PCDH9: variants seen among roughly 807,000 people sequenced by gnomAD.
PCDH9 encodes protocadherin 9.
A neutral mutation model predicts 70.6 loss-of-function variants in PCDH9; 24 were observed. The observed-to-expected ratio is 0.34, with a 90% CI of 0.25 to 0.48. The LOEUF (loss-of-function observed/expected upper bound fraction) is 0.48, where lower values mean the gene tolerates loss of function less well. Ranked by LOEUF, PCDH9 falls within the 20% of genes least tolerant of loss-of-function variation. PCDH9 has a pLI of 0.99. For synonymous variants in PCDH9, 562 were observed against 558.5 expected, an observed-to-expected ratio of 1.01 and a Z score of -0.09; for missense variants, 1,281 against 1,503.6, an observed-to-expected ratio of 0.85 and a Z score of 2.45.
At chr13:66,885,650 A>C (rs1163150748) in intron 3 of PCDH9, among the ~76,000 whole-genome samples, 3 of 152,168 alleles carry the variant, frequency 2.0e-5, no homozygotes, top group Non-Finnish European at 4.4e-5. Context: ...AGCTGATGTT[A>C]CTGAATTCTA....
chr13:67,093,418 C>G (rs2086258074), intron 2 of PCDH9, among the ~76,000 whole-genome samples: 2 of 152,066 alleles, frequency 1.3e-5, no homozygotes, highest in Non-Finnish European at 2.9e-5. Flanking sequence ...TGCGCCACTG[C>G]ACTCTAGCCT....
chr13:67,209,002 A>T (rs1468978555), intron 2 of PCDH9: 2 of 152,160 alleles, frequency 1.3e-5, no homozygotes, highest in Non-Finnish European at 2.9e-5. Context: ...TAAGTATTAT[A>T]TATCTTTCCT....
At chr13:66,844,569 G>A (rs1371282218) in intron 3 of PCDH9, among the ~76,000 whole-genome samples, 4 of 149,638 alleles carry the variant, frequency 2.7e-5, no homozygotes, top group African/African-American at 9.8e-5. Flanking sequence ...AGGGTGACAG[G>A]GCGAGACTCT....
chr13:66,332,837 T>C (rs990503969), intron 4 of PCDH9, among the ~76,000 whole-genome samples: 62 of 151,312 alleles, frequency 4.1e-4, no homozygotes, highest in Middle Eastern at 3.2e-3. Flanking sequence ...TATATATATA[T>C]AAAATCACTA....
chr13:66,945,598 T>C (rs1483016534), intron 2 of PCDH9, among the ~76,000 whole-genome samples: 1 of 152,204 alleles, frequency 6.6e-6, no homozygotes, highest in Non-Finnish European at 1.5e-5. Context: ...CCATGTTCTA[T>C]GTAGTCCCTT....
At chr13:67,214,958 A>ATATATATATATATG (rs2089564546) in intron 2 of PCDH9, 1 of 74,570 alleles carries the variant, frequency 1.3e-5, no homozygotes, top group Admixed American at 1.6e-4. Context: ...ATATATATAT[A>ATATATATATATATG]TATATATATA....
At chr13:67,116,294 T>C (rs1034656755) in intron 2 of PCDH9, among the ~76,000 whole-genome samples, 1 of 152,168 alleles carries the variant, frequency 6.6e-6, no homozygotes, top group African/African-American at 2.4e-5. Context: ...TCTTCATTCC[T>C]ATAAATTACT....
At chr13:66,692,902 G>A (rs1386966515) in intron 3 of PCDH9, among the ~76,000 whole-genome samples, 1 of 151,970 alleles carries the variant, frequency 6.6e-6, no homozygotes, top group African/African-American at 2.4e-5. Flanking sequence ...AACAAGGAAT[G>A]GACTATTTGA....
intron 3 of PCDH9, chr13:66,879,929 T>G (rs2081893050): frequency 6.6e-6 from 1 of 152,124 alleles, no homozygotes; most frequent in Admixed American, 6.6e-5. Context: ...GTAACTTGGC[T>G]TGAAGACAAG....
intron 4 of PCDH9, among the ~76,000 whole-genome samples, chr13:66,426,707 T>C (rs993707904): frequency 6.6e-6 from 1 of 151,616 alleles, no homozygotes; most frequent in Admixed American, 6.6e-5. Flanking sequence ...AGTAATTTTA[T>C]GCATTTTTAC....
At chr13:66,574,337 T>C (rs544265450) in intron 4 of PCDH9, among the ~76,000 whole-genome samples, 1 of 152,288 alleles carries the variant, frequency 6.6e-6, no homozygotes, top group African/African-American at 2.4e-5. Context: ...CATTTCTCTC[T>C]CTCTATGTCT....
At chr13:66,472,815 A>G (rs1475643579) in intron 4 of PCDH9, among the ~76,000 whole-genome samples, 1 of 152,190 alleles carries the variant, frequency 6.6e-6, no homozygotes, top group Non-Finnish European at 1.5e-5. Context: ...AAAGAAAAGA[A>G]TATGAGAATC....
chr13:66,980,094 AT>A (rs2083709468), intron 2 of PCDH9, among the ~76,000 whole-genome samples: 2 of 151,248 alleles, frequency 1.3e-5, no homozygotes, highest in African/African-American at 4.9e-5. Flanking sequence ...CTATCTATCT[AT>A]CTATCTATCT....
intron 2 of PCDH9, among the ~76,000 whole-genome samples, chr13:66,981,100 A>C (rs2083754222): frequency 6.6e-6 from 1 of 152,194 alleles, no homozygotes; most frequent in African/African-American, 2.4e-5. Context: ...TATACTGTCC[A>C]TAAAGACATT....
chr13:66,594,069 T>C (rs2077071638), intron 4 of PCDH9, among the ~76,000 whole-genome samples: 1 of 151,798 alleles, frequency 6.6e-6, no homozygotes. Context: ...AAATATCTAT[T>C]TGGAAATAGA....
At chr13:66,819,672 T>A (rs2080675001) in intron 3 of PCDH9, among the ~76,000 whole-genome samples, 1 of 152,152 alleles carries the variant, frequency 6.6e-6, no homozygotes, top group African/African-American at 2.4e-5. Flanking sequence ...AGAGGACTGC[T>A]GGAGGTCAGG....
chr13:66,811,964 T>C (rs2080516826), intron 3 of PCDH9, among the ~76,000 whole-genome samples: 1 of 152,100 alleles, frequency 6.6e-6, no homozygotes, highest in Non-Finnish European at 1.5e-5. Context: ...ACACAGTATT[T>C]GTTTATGTGA....
At position 67,074,030 on chromosome 13, in the gene PCDH9, TTCTATCTATCTATCTATCTA is replaced by T. The variant is rs35805308; in HGVS notation, c.3036+151355_3036+151374del. Among the ~76,000 whole-genome samples the T allele has an allele frequency of 4.2e-4, 63 of 149,024 alleles. No individual in the cohort carries two copies. In the East Asian group the frequency reaches 7.6e-3, roughly 18 times the overall value. On this transcript the variant is annotated intron_variant, in intron 2 of 4. Transcript: ENST00000377865. ...CTTTTTGAATCTCATTGAGATGAAA[TTCTATCTATCTATCTATCTA>T]TCTATCTATCTATCTATCTATCTGT...
chr13:66,520,013 G>T (rs1439628105), intron 4 of PCDH9, among the ~76,000 whole-genome samples: 1 of 152,034 alleles, frequency 6.6e-6, no homozygotes. Flanking sequence ...ATCCAAATCG[G>T]TTCAGGACAA....
Sources: gnomAD v4.1 joint callset for allele counts (sites outside exome capture counted in the v4.1 genomes callset) on GRCh38, gnomAD v4.1.1 for gene constraint, MANE v1.5 for transcripts, NCBI Gene and HGNC (gene_info 2026-07-23, HGNC 2026-07-21) for gene names.